Variants in TRPM8 observed in about 807,000 individuals in gnomAD.
TRPM8 encodes the protein TRPM8 cationic channel.
TRPM8 carries 110 observed loss-of-function variants against 133.7 expected under a neutral mutation model. The observed-to-expected ratio is 0.82, with a 90% CI of 0.70 to 0.96. The LOEUF (loss-of-function observed/expected upper bound fraction) is 0.96. Ranked by LOEUF, TRPM8 falls within the 40% of genes least tolerant of loss-of-function variation. The pLI is 0.00. For synonymous variants in TRPM8, 535 were observed against 532.3 expected, an observed-to-expected ratio of 1.01 and a Z score of -0.07; for missense variants, 1,291 against 1,379.5, an observed-to-expected ratio of 0.94 and a Z score of 1.02.
intron 15 of TRPM8, among the ~76,000 whole-genome samples, chr2:233,969,373 G>A (rs987843252): frequency 2.6e-5 from 4 of 151,874 alleles, no homozygotes; most frequent in African/African-American, 7.3e-5. Flanking sequence ...TGTAATCCCA[G>A]CTACTCGGGA....
intron 21 of TRPM8, among the ~76,000 whole-genome samples, chr2:233,988,365 GC>G (rs1692199146): frequency 6.6e-6 from 1 of 151,976 alleles, no homozygotes; most frequent in African/African-American, 2.4e-5. Context: ...GACTCTTTGA[GC>G]CCCTATGGCA....
chr2:233,942,159 A>G (rs1419252664), intron 5 of TRPM8, among the ~76,000 whole-genome samples: 1 of 143,122 alleles, frequency 7.0e-6, no homozygotes, highest in Non-Finnish European at 1.5e-5. Flanking sequence ...GGCTCACTGC[A>G]ACCTCTGCCT....
chr2:233,942,991 A>G (rs1042202372), intron 6 of TRPM8: 6 of 593,648 alleles, frequency 1.0e-5, no homozygotes, highest in African/African-American at 1.9e-5. Context: ...GCAATCTCAT[A>G]TCACAGTCAG....
At chr2:233,938,802 T>G (rs1471810797) in intron 4 of TRPM8, among the ~76,000 whole-genome samples, 196 bp from the exon 5 acceptor site, 1 of 152,068 alleles carries the variant, frequency 6.6e-6, no homozygotes, top group African/African-American at 2.4e-5. Flanking sequence ...TTTATTTTCC[T>G]TTCACACTTC....
chr2:233,926,758 G>A (rs1415101321), intron 2 of TRPM8, 104 bp downstream of exon 2: 6 of 865,062 alleles, frequency 6.9e-6, no homozygotes, highest in Non-Finnish European at 1.1e-5. Context: ...TAAATGCCAT[G>A]TCTTTAAAAT....
rs539858813 is a variant in TRPM8 at position 233,985,786 on chromosome 2, T to C, written c.2860T>C (p.Trp954Arg). ...GCACAACCTGCCCCGGTTCCCCGAG[T>C]GGATCACCATCCCCCTGGTGTGCAT... Reference protein sequence around the residue: ...DEHNLPRFPEWITIPLVCIYM... With the variant: ...DEHNLPRFPERITIPLVCIYM... Residue 954 changes from tryptophan (W) to arginine (R), a missense_variant, in exon 21 of 26, where the codon TGG becomes CGG. Trp to Arg is a moderately radical substitution (Grantham distance 101, BLOSUM62 -3). Around this residue, in one of 2 missense-constraint regions of TRPM8, gnomAD observed 328 missense variants for 410.6 expected, o/e 0.80. Coordinates refer to ENST00000324695, the MANE Select transcript of TRPM8 (RefSeq NM_024080.5). 1.2e-6 allele frequency: 2 copies of C among 1,614,114 alleles called. No homozygotes were observed. Among genetic ancestry groups the C allele is most frequent in the East Asian group, 4.5e-5 (2 of 44,886 alleles).
intron 15 of TRPM8, among the ~76,000 whole-genome samples, chr2:233,967,410 A>G (rs1459856525): frequency 1.3e-5 from 2 of 152,208 alleles, no homozygotes; most frequent in African/African-American, 4.8e-5. Context: ...AGAGATGGAG[A>G]GACCAACGCT....
rs553143179 is a variant in TRPM8 at position 233,969,414 on chromosome 2, G to C, written c.2026-281G>C. Among the ~76,000 whole-genome samples, 6 of 152,246 alleles carry C rather than the reference G, an allele frequency of 3.9e-5. No homozygotes were observed. In the East Asian group the frequency reaches 9.6e-4, roughly 24 times the overall value. On this transcript the variant is annotated intron_variant, in intron 15 of 25. Coordinates refer to ENST00000324695, the MANE Select transcript of TRPM8 (RefSeq NM_024080.5). ...AGGCAGGAGAATCGCTTGAACCTGG[G>C]AGGTGGAGGTTGTGGTGAGCTGAGA...
At chr2:233,968,475 C>T (rs1413055037) in intron 15 of TRPM8, among the ~76,000 whole-genome samples, 1 of 152,202 alleles carries the variant, frequency 6.6e-6, no homozygotes. Flanking sequence ...TACCCACCAA[C>T]TGCAATTGGT....
chr2:234,005,199 C>G (rs1032989417), intron 22 of TRPM8, among the ~76,000 whole-genome samples: 1 of 152,034 alleles, frequency 6.6e-6, no homozygotes, highest in African/African-American at 2.4e-5. Flanking sequence ...CCCCATTACC[C>G]TAAGGCAGTA....
At position 233,987,502 on chromosome 2, in the gene TRPM8, C is replaced by G. The variant is rs190522627; in HGVS notation, c.2939+1637C>G. On this transcript the variant is annotated intron_variant, in intron 21 of 25. Coordinates refer to ENST00000324695, the MANE Select transcript of TRPM8 (RefSeq NM_024080.5). ...TGCCTCATTTGTCCAGTGGCCTCCC[C>G]CTGAGCAGGGCTGTGTGGAAGCACA... Among the ~76,000 whole-genome samples, 416 of 152,286 alleles carry G rather than the reference C, an allele frequency of 2.7e-3. 2 individuals are homozygous for G. Among genetic ancestry groups the G allele is most frequent in the Non-Finnish European group, 4.1e-3 (276 of 68,034 alleles).
At chr2:233,953,825 C>A (rs985313355) in intron 9 of TRPM8, 92 bp from the exon 10 acceptor site, 1 of 921,818 alleles carries the variant, frequency 1.1e-6, no homozygotes, top group Non-Finnish European at 1.7e-6. Flanking sequence ...TACAGGTGGT[C>A]TTTTTAAAAA....
intron 1 of TRPM8, among the ~76,000 whole-genome samples, chr2:233,920,320 C>A (rs1691383613): frequency 6.6e-6 from 1 of 152,092 alleles, no homozygotes; most frequent in Non-Finnish European, 1.5e-5. Flanking sequence ...CTATGGTGGT[C>A]ATTAAGATTC....
chr2:233,980,397 A>C lies in TRPM8; in HGVS notation c.2447+118A>C, dbSNP rs75065139. ...ATTACTCATTAGAGATTATTACACA[A>C]GACCATGGTGTCTGCTTTATAGAGA... On this transcript the variant is annotated intron_variant, in intron 18 of 25. Coordinates refer to ENST00000324695, the MANE Select transcript of TRPM8 (RefSeq NM_024080.5). 8.0e-5 allele frequency: 52 copies of C among 651,262 alleles called. No homozygotes were observed. In the East Asian group the frequency reaches 1.5e-3, roughly 19 times the overall value. 40.3% of individuals were successfully genotyped at this position (651,262 alleles called of 1,614,324 possible).
chr2:233,926,512 C>T (rs1476343971), intron 1 of TRPM8, 21 bp from the exon 2 acceptor site: 8 of 1,581,250 alleles, frequency 5.1e-6, no homozygotes, highest in Non-Finnish European at 7.0e-6. Context: ...CCAAACTTAT[C>T]CCCTCCAACC....
Position 233,926,656 on chromosome 2 carries a change from TAA to T in TRPM8, c.117+3_117+4del. On this transcript the variant is annotated splice_donor_region_variant and intron_variant, in intron 2 of 25. Coordinates refer to ENST00000324695, the MANE Select transcript of TRPM8 (RefSeq NM_024080.5). ...ACAGACTTGTCTTACAGTGAAAGCG[TAA>T]GTCATGCGCATCACCTGTTTGAAAG... 2 of 1,609,244 alleles carry T rather than the reference TAA, an allele frequency of 1.2e-6. No homozygotes were observed. The highest frequency in any genetic ancestry group is 1.7e-6 in the Non-Finnish European group (2 of 1,175,600).
chr2:233,927,833 TTCC>T lies in TRPM8; in HGVS notation c.117+1181_117+1183del, dbSNP rs1451438627. Among the ~76,000 whole-genome samples, 88 of 86,142 alleles carry T rather than the reference TTCC, an allele frequency of 1.0e-3. 4 individuals carry two copies. Among genetic ancestry groups the T allele is most frequent in the Middle Eastern group, 4.3e-3 (1 of 234 alleles). 56.5% of individuals were successfully genotyped at this position (86,142 alleles called of 152,430 possible). ...CTTCCTTCCTTCCTTCCTTCCTTCC[TTCC>T]TTCCTTCCTTCCTTCCTTTCTTTCT... On this transcript the variant is annotated intron_variant, in intron 2 of 25. Coordinates refer to ENST00000324695, the MANE Select transcript of TRPM8 (RefSeq NM_024080.5).
At chr2:233,984,573 T>A (rs1692095111) in intron 20 of TRPM8, among the ~76,000 whole-genome samples, 1 of 152,180 alleles carries the variant, frequency 6.6e-6, no homozygotes, top group African/African-American at 2.4e-5. Flanking sequence ...CTCCTAAATG[T>A]TTTTTTGAAA....
At chr2:233,959,461 C>A (rs1168132244) in intron 11 of TRPM8, among the ~76,000 whole-genome samples, 1 of 151,370 alleles carries the variant, frequency 6.6e-6, no homozygotes, top group Non-Finnish European at 1.5e-5. Flanking sequence ...TGCCACCACA[C>A]CTGGCTAACT....
Sources: gnomAD v4.1 joint callset for allele counts (sites outside exome capture counted in the v4.1 genomes callset) on GRCh38, gnomAD v4.1.1 for gene constraint, gnomAD v4.1.1 regional missense constraint, MANE v1.5 for transcripts, NCBI Gene and HGNC (gene_info 2026-07-23, HGNC 2026-07-21) for gene names.